The following ADAP1 variants were observed in gnomAD, a reference collection of about 807,000 sequenced individuals.
ADAP1 encodes ArfGAP with dual PH domains 1, also known as arf-GAP with dual PH domain-containing protein 1.
A neutral mutation model predicts 54.9 loss-of-function variants in ADAP1; 31 were observed. The observed-to-expected ratio is 0.56, with a 90% confidence interval of 0.42 to 0.76. The LOEUF is 0.76. ADAP1 is among the 30% of genes least tolerant of loss of function. The probability of loss-of-function intolerance (pLI) is 0.00; values close to 1 mark genes in which losing one functional copy is unlikely to be tolerated. For missense variants in ADAP1, 535 were observed against 512.4 expected (o/e 1.04, Z -0.42); for synonymous variants, 313 against 202.6 (o/e 1.55, Z -4.63).
intron 4 of ADAP1, 78 bp from the exon 5 acceptor site, chr7:905,250 GA>G: frequency 2.8e-6 from 3 of 1,062,946 alleles, no homozygotes; most frequent in Non-Finnish European, 4.1e-6. Context: ...GGACAGGACA[GA>G]GGGGACATGG....
chr7:914,265 G>A (rs535399718), intron 4 of ADAP1, among the ~76,000 whole-genome samples: 15 of 152,346 alleles, frequency 9.8e-5, no homozygotes, highest in African/African-American at 3.1e-4. Context: ...GGGTGTGGCA[G>A]GCCCTTCCCA....
At chr7:927,434 T>C (rs1846428449) in intron 2 of ADAP1, 1 of 482,486 alleles carries the variant, frequency 2.1e-6, no homozygotes, top group East Asian at 6.9e-5. Context: ...GAGGTTCTGC[T>C]TGCTATGCTG....
intron 3 of ADAP1, chr7:923,368 T>G (rs1316411076): frequency 1.3e-5 from 2 of 151,496 alleles, no homozygotes; most frequent in African/African-American, 4.9e-5. Flanking sequence ...ACAGCTTCCC[T>G]CACTCGCCCT....
intron 4 of ADAP1, chr7:905,393 G>GAAAGGAGAAAGGAGAAAGGGAAAGGAA: frequency 4.1e-6 from 1 of 242,276 alleles, no homozygotes; most frequent in South Asian, 5.1e-5. Flanking sequence ...GGAGAAAGGA[G>GAAAGGAGAAAGGAGAAAGGGAAAGGAA]AAAGGAGAAA....
chr7:918,360 G>A lies in ADAP1; in HGVS notation c.388+1608C>T, dbSNP rs796260031. ...GCCTCCCGAGCAGCTGGGACTACAG[G>A]TGGTGCCACCATATCCAGCTAATTT... is the stretch of plus-strand genomic sequence containing the variant. On this transcript the variant is annotated intron_variant, in intron 4 of 10. Coordinates refer to ENST00000265846, the MANE Select transcript of ADAP1 (RefSeq NM_006869.4). 5.8e-4 allele frequency among the ~76,000 whole-genome samples: 88 copies of A among 152,346 alleles called. 1 individual carries two copies. The highest frequency in any genetic ancestry group is 2.0e-3 in the African/African-American group (84 of 41,580).
intron 4 of ADAP1, among the ~76,000 whole-genome samples, chr7:911,989 G>A (rs550364800): frequency 9.2e-5 from 14 of 152,328 alleles, no homozygotes; most frequent in African/African-American, 3.4e-4. Context: ...TGCCTGCGAG[G>A]AACGGCTGGT....
rs1322954008 is a variant in ADAP1, at chr7:950,766, A to G, written c.82+3630T>C. 2.7e-5 allele frequency among the ~76,000 whole-genome samples: 4 copies of G among 147,424 alleles called. No homozygotes were observed. In the Admixed American group the frequency reaches 2.7e-4, roughly 10 times the overall value. On this transcript the variant is annotated intron_variant, in intron 1 of 10. Coordinates refer to ENST00000265846, the MANE Select transcript of ADAP1 (RefSeq NM_006869.4). ...CAGCTACTCAGGGGACTGAGGCAGG[A>G]GAATCGTTTGAACCCAGGAGGCAGA...
At chr7:937,097 G>C (rs137859890) in intron 1 of ADAP1, among the ~76,000 whole-genome samples, 1,491 of 68,396 alleles carry the variant, frequency 0.022, 18 homozygotes, top group African/African-American at 0.037. Flanking sequence ...GGGTCACGCC[G>C]GGCCTCGGAT....
chr7:955,115 C>G (rs1847355291), upstream of ADAP1, among the ~76,000 whole-genome samples: 1 of 152,156 alleles, frequency 6.6e-6, no homozygotes, highest in Admixed American at 6.5e-5. Context: ...ACGCCAGCGT[C>G]CCAGGGCACT....
intron 3 of ADAP1, among the ~76,000 whole-genome samples, chr7:922,476 C>T (rs1234613852): frequency 6.6e-6 from 1 of 152,186 alleles, no homozygotes; most frequent in Non-Finnish European, 1.5e-5. Flanking sequence ...CACAGGGCTC[C>T]CCCAGCCCAA....
intron 6 of ADAP1, chr7:901,180 A>C (rs1844792649): frequency 2.7e-6 from 1 of 368,294 alleles, no homozygotes; most frequent in Non-Finnish European, 5.4e-6. Context: ...ACCCTGGAAC[A>C]GAGGGCCCAT....
At position 935,208 on chromosome 7, in the gene ADAP1, G is replaced by C. The variant is rs1050821710; in HGVS notation, c.213+167C>G. ...GGTGGGTGGAGCAGCCACACAGGCG[G>C]AGCCGCTGGAGAGGGGGCGGGGTCC... is the stretch of plus-strand genomic sequence containing the variant. On this transcript the variant is annotated intron_variant, in intron 2 of 10. Transcript: ENST00000265846. The C allele has an allele frequency of 2.7e-5, 26 of 955,634 alleles. No homozygotes were observed. The Admixed American group carries it at 5.3e-4, about 19-fold the overall frequency. 59.2% of individuals were successfully genotyped at this position (955,634 alleles called of 1,614,324 possible).
chr7:913,895 A>G (rs1341680822), intron 4 of ADAP1, among the ~76,000 whole-genome samples: 1 of 152,200 alleles, frequency 6.6e-6, no homozygotes, highest in Non-Finnish European at 1.5e-5. Flanking sequence ...AGACCGCACC[A>G]TTGCACCGCA....
At chr7:919,434 C>T (rs1846070664) in intron 4 of ADAP1, among the ~76,000 whole-genome samples, 2 of 151,962 alleles carry the variant, frequency 1.3e-5, no homozygotes, top group East Asian at 2.0e-4. Flanking sequence ...CCCTCAGTCA[C>T]GTCACTCAGA....
chr7:907,164 C>T (rs1845502436), intron 4 of ADAP1, among the ~76,000 whole-genome samples: 1 of 152,150 alleles, frequency 6.6e-6, no homozygotes, highest in Admixed American at 6.5e-5. Flanking sequence ...CCGCCTGTGG[C>T]CTCACGCACA....
intron 4 of ADAP1, among the ~76,000 whole-genome samples, chr7:909,859 G>A (rs1037757954): frequency 5.0e-5 from 5 of 100,488 alleles, no homozygotes; most frequent in Admixed American, 1.2e-4. Flanking sequence ...GGTGTGGGGT[G>A]GGGGGGGTTC....
intron 6 of ADAP1, 96 bp from the exon 7 acceptor site, chr7:900,712 C>CA (rs1285769382): frequency 1.5e-3 from 1,568 of 1,073,432 alleles, no homozygotes; most frequent in Non-Finnish European, 2.0e-3. Flanking sequence ...GCCGCTTCCC[C>CA]CAGAGCCCAG....
chr7:922,297 A>G (rs980783743), intron 3 of ADAP1, among the ~76,000 whole-genome samples: 4 of 151,896 alleles, frequency 2.6e-5, no homozygotes, highest in African/African-American at 9.7e-5. Flanking sequence ...GGCTTCAAGG[A>G]CCCCTAGGCC....
intron 2 of ADAP1, among the ~76,000 whole-genome samples, chr7:929,779 G>A (rs1846508326): frequency 6.6e-6 from 1 of 151,970 alleles, no homozygotes; most frequent in Non-Finnish European, 1.5e-5. Flanking sequence ...AATTGTATGT[G>A]GATTATACCT....
Sources: gnomAD v4.1 joint callset for allele counts (sites outside exome capture counted in the v4.1 genomes callset) on GRCh38, gnomAD v4.1.1 for gene constraint, MANE v1.5 for transcripts, NCBI Gene and HGNC (gene_info 2026-07-23, HGNC 2026-07-21) for gene names.